Variants in CUX2 observed in about 807,000 individuals in gnomAD.
CUX2 encodes cut like homeobox 2.
CUX2 carries 40 observed loss-of-function variants against 144.8 expected under a neutral mutation model. The observed-to-expected ratio is 0.28, with a 90% CI of 0.21 to 0.36. The LOEUF is 0.36. Among genes scored for constraint, CUX2 ranks in the 10% least tolerant of loss-of-function variants. CUX2 has a pLI of 1.00. For synonymous variants in CUX2, 827 were observed against 875.6 expected (o/e 0.94, Z 0.98); for missense variants, 1,615 against 1,994.0 (o/e 0.81, Z 3.62).
intron 1 of CUX2, among the ~76,000 whole-genome samples, chr12:111,089,247 G>A (rs998808792): frequency 1.3e-5 from 2 of 152,240 alleles, no homozygotes; most frequent in African/African-American, 4.8e-5. Context: ...AAGTCCAGCA[G>A]CGCTGGGATT....
intron 1 of CUX2, among the ~76,000 whole-genome samples, chr12:111,036,562 G>A (rs984054706): frequency 5.3e-5 from 8 of 152,046 alleles, no homozygotes; most frequent in Non-Finnish European, 1.0e-4. Context: ...GGTAGGGGGT[G>A]GTGGAGGGGT....
intron 1 of CUX2, among the ~76,000 whole-genome samples, chr12:111,161,718 G>A (rs753015780): frequency 2.6e-5 from 4 of 152,004 alleles, no homozygotes; most frequent in Admixed American, 6.5e-5. Flanking sequence ...GCTGAGTGTC[G>A]CTGGATGCCA....
rs1328738439 is a variant in CUX2, at chr12:111,334,662, T to C, written c.3148T>C (p.Tyr1050His). The C allele has an allele frequency of 6.8e-6, 11 of 1,613,724 alleles. No individual in the cohort carries two copies. In the East Asian group the frequency reaches 2.5e-4, roughly 36 times the overall value. ...GGCCATGTCCCCCGAGCTGGACACG[T>C]ACTCCATCACCAAGAGGGTGAAGGA... ...IVAMSPELDT[Y>H]SITKRVKEVL... is the part of the protein sequence containing the mutation. Residue 1050 changes from tyrosine to histidine, a missense_variant, in exon 19 of 22, where the codon TAC becomes CAC. Physicochemically the swap from Tyr to His is moderately conservative, Grantham distance 83. Coordinates refer to ENST00000261726, the MANE Select transcript of CUX2 (RefSeq NM_015267.4).
intron 3 of CUX2, among the ~76,000 whole-genome samples, chr12:111,239,396 G>T (rs1882912024): frequency 6.6e-6 from 1 of 152,278 alleles, no homozygotes; most frequent in East Asian, 1.9e-4. Flanking sequence ...AGCATGAAAC[G>T]GACCCAGCAC....
chr12:111,257,331 C>T (rs1449026187), intron 3 of CUX2, among the ~76,000 whole-genome samples: 3 of 133,590 alleles, frequency 2.2e-5, no homozygotes, highest in Admixed American at 7.4e-5. Context: ...CCCTCTTCCT[C>T]CCCTTCCTCC....
intron 1 of CUX2, among the ~76,000 whole-genome samples, chr12:111,139,494 C>G (rs1214155950): frequency 6.6e-6 from 1 of 152,120 alleles, no homozygotes; most frequent in Non-Finnish European, 1.5e-5. Context: ...TCATGGAGAT[C>G]GTTATTTTTC....
rs1339295979 is a variant in CUX2 at position 111,277,478 on chromosome 12, G to A, written c.301+13639G>A. On this transcript the variant is annotated intron_variant, in intron 4 of 21. Coordinates refer to ENST00000261726, the MANE Select transcript of CUX2 (RefSeq NM_015267.4). This position sits in a 1 kb window ranked among gnomAD's most constrained non-coding sequence, Gnocchi z 5.0. ...CCCCCCTGCTAGCTGCCTCATTAGG[G>A]CTCCGCGGAGACACCACTCCCCTCA... Among the ~76,000 whole-genome samples the A allele has an allele frequency of 6.6e-6, 1 of 151,806 alleles. No individual in the cohort carries two copies. The highest frequency in any genetic ancestry group is 1.9e-4 in the East Asian group (1 of 5,168).
intron 1 of CUX2, among the ~76,000 whole-genome samples, chr12:111,185,097 G>C (rs148961135): frequency 3.3e-5 from 5 of 152,318 alleles, no homozygotes; most frequent in African/African-American, 1.2e-4. Flanking sequence ...CAAGGTATGG[G>C]ATATCCTCTG....
At chr12:111,264,040 ATGT>A (rs1487511783) in intron 4 of CUX2, among the ~76,000 whole-genome samples, 1 of 152,020 alleles carries the variant, frequency 6.6e-6, no homozygotes, top group Admixed American at 6.5e-5. Context: ...TTCCTTCATC[ATGT>A]TGTCACATCA....
chr12:111,100,079 C>A (rs765791467), intron 1 of CUX2: 1 of 456,614 alleles, frequency 2.2e-6, no homozygotes, highest in South Asian at 1.5e-5. Flanking sequence ...CTTCTGGGAG[C>A]CTTGGACGGC....
chr12:111,050,822 T>G (rs1174436565), intron 1 of CUX2, among the ~76,000 whole-genome samples: 1 of 152,228 alleles, frequency 6.6e-6, no homozygotes, highest in Admixed American at 6.5e-5. Context: ...AAAAACTTGT[T>G]AAGAATTTTT....
At chr12:111,093,598 T>C (rs1872657129) in intron 1 of CUX2, among the ~76,000 whole-genome samples, 1 of 152,110 alleles carries the variant, frequency 6.6e-6, no homozygotes, top group African/African-American at 2.4e-5. Context: ...AACTGACTGC[T>C]TCAGCTCACC....
At position 111,180,762 on chromosome 12, in the gene CUX2, C is replaced by T. The variant is rs569048498; in HGVS notation, c.64-33438C>T. ...AGGGAAAACCTAGTCCTCCCCCAGC[C>T]TCCCCAGACCCAAGGTTGCCTCCCC... On this transcript the variant is annotated intron_variant, in intron 1 of 21. Coordinates refer to ENST00000261726, the MANE Select transcript of CUX2 (RefSeq NM_015267.4). Among the ~76,000 whole-genome samples, 6 of 152,354 alleles carry T rather than the reference C, an allele frequency of 3.9e-5. No individual in the cohort carries two copies. The East Asian group carries it at 1.2e-3, about 29-fold the overall frequency.
intron 3 of CUX2, among the ~76,000 whole-genome samples, chr12:111,244,404 T>C (rs536101114): frequency 2.7e-4 from 41 of 152,358 alleles, no homozygotes; most frequent in Non-Finnish European, 1.6e-4. Context: ...CCAGCTGTGC[T>C]TTCTCCAGCT....
chr12:111,195,447 G>A (rs560070562), intron 1 of CUX2, among the ~76,000 whole-genome samples: 115 of 152,316 alleles, frequency 7.6e-4, no homozygotes, highest in Non-Finnish European at 1.4e-3. Flanking sequence ...CATGGGTCCC[G>A]GCCAGCGGGG....
At chr12:111,343,403 A>G (rs567546067) in intron 21 of CUX2, among the ~76,000 whole-genome samples, 9 of 152,224 alleles carry the variant, frequency 5.9e-5, no homozygotes, top group East Asian at 3.9e-4. Context: ...TTCAAGGACC[A>G]TCTCTGAGGA....
chr12:111,167,770 C>A (rs1434017976), intron 1 of CUX2, among the ~76,000 whole-genome samples: 5 of 152,196 alleles, frequency 3.3e-5, no homozygotes. Flanking sequence ...TCTTAGCTCA[C>A]TGCAACCTCT....
At chr12:111,173,977 T>C (rs888560566) in intron 1 of CUX2, among the ~76,000 whole-genome samples, 2 of 152,166 alleles carry the variant, frequency 1.3e-5, no homozygotes, top group African/African-American at 4.8e-5. Flanking sequence ...TGGTTTGGGC[T>C]TGGCAGTTTC....
At chr12:111,076,919 T>C (rs1871566101) in intron 1 of CUX2, among the ~76,000 whole-genome samples, 1 of 152,226 alleles carries the variant, frequency 6.6e-6, no homozygotes, top group Non-Finnish European at 1.5e-5. Flanking sequence ...AGGCTTTAAT[T>C]CAAGGTCAAA....
Sources: gnomAD v4.1 joint callset for allele counts (sites outside exome capture counted in the v4.1 genomes callset) on GRCh38, gnomAD v4.1.1 for gene constraint, Gnocchi (gnomAD v3.1) non-coding constraint, MANE v1.5 for transcripts, NCBI Gene and HGNC (gene_info 2026-07-23, HGNC 2026-07-21) for gene names.